The following CSMD1 variants were observed in gnomAD, a reference collection of about 807,000 sequenced individuals.
CSMD1 encodes the protein CUB and Sushi multiple domains 1.
Under a neutral mutation model 417.5 loss-of-function variants are expected in CSMD1, and 213 were observed. That is an observed-to-expected ratio of 0.51 (90% CI 0.46 to 0.57). The LOEUF is 0.57. CSMD1 is among the 20% of genes least tolerant of loss of function. CSMD1 has a pLI of 0.00. For missense variants in CSMD1, 6,923 were observed against 4,529.7 expected (o/e 1.53, Z -15.17); for synonymous variants, 2,862 against 1,736.8 (o/e 1.65, Z -16.11).
chr8:4,819,051 T>C (rs1585153236), intron 1 of CSMD1, among the ~76,000 whole-genome samples: 1 of 152,138 alleles, frequency 6.6e-6, no homozygotes, highest in Admixed American at 6.5e-5. Context: ...AGACACAGAA[T>C]ACCTGGAAGA....
At chr8:4,319,467 T>G (rs4875331) in intron 3 of CSMD1, among the ~76,000 whole-genome samples, 120,808 of 151,978 alleles carry the variant, frequency 0.79, 49,518 homozygotes, top group East Asian at 1. Flanking sequence ...CTACTCCTTC[T>G]TAAGGCTTTG....
chr8:3,845,843 C>G (rs1316755303), intron 5 of CSMD1, among the ~76,000 whole-genome samples: 1 of 149,084 alleles, frequency 6.7e-6, no homozygotes, highest in African/African-American at 2.5e-5. Context: ...TTTTTTTTTA[C>G]TTTCTATACT....
chr8:4,735,530 A>G (rs569211950), intron 1 of CSMD1, among the ~76,000 whole-genome samples: 1 of 152,316 alleles, frequency 6.6e-6, no homozygotes, highest in Admixed American at 6.5e-5. Flanking sequence ...AGGTCAGAAT[A>G]ATTCACCTTT....
intron 23 of CSMD1, among the ~76,000 whole-genome samples, chr8:3,314,720 G>T (rs147292498): frequency 6.6e-6 from 1 of 152,168 alleles, no homozygotes; most frequent in Non-Finnish European, 1.5e-5. Flanking sequence ...GAATTACGCA[G>T]TCTTAATATT....
intron 1 of CSMD1, among the ~76,000 whole-genome samples, chr8:4,849,618 T>A (rs2164909): frequency 0.18 from 27,274 of 152,060 alleles, 2,627 homozygotes; most frequent in East Asian, 0.28. Flanking sequence ...TTTTCTATTT[T>A]TAAAAATGCT....
intron 8 of CSMD1, among the ~76,000 whole-genome samples, chr8:3,612,515 G>C (rs940833832): frequency 6.6e-6 from 1 of 152,092 alleles, no homozygotes; most frequent in African/African-American, 2.4e-5. Context: ...TTATTTTCAA[G>C]TGGTCATGGA....
intron 1 of CSMD1, among the ~76,000 whole-genome samples, chr8:4,747,486 C>T (rs991518445): frequency 2.4e-4 from 36 of 152,082 alleles, no homozygotes; most frequent in African/African-American, 7.7e-4. Flanking sequence ...AAATGCCCTC[C>T]TAAGTAGAGA....
intron 33 of CSMD1, among the ~76,000 whole-genome samples, chr8:3,193,518 C>A (rs1457822673): frequency 3.9e-5 from 6 of 152,078 alleles, no homozygotes; most frequent in Non-Finnish European, 8.8e-5. Context: ...CCCCGCCCGT[C>A]CTCTGGGTCT....
At chr8:3,964,723 A>C (rs996652091) in intron 5 of CSMD1, among the ~76,000 whole-genome samples, 2 of 152,228 alleles carry the variant, frequency 1.3e-5, no homozygotes, top group South Asian at 4.1e-4. Flanking sequence ...AATCCATTGC[A>C]ATGTACTTGC....
Position 4,070,282 on chromosome 8 carries a change from G to C in CSMD1, c.416-38183C>G, listed in dbSNP as rs74503292. Among the ~76,000 whole-genome samples, 726 of 151,984 alleles carry C rather than the reference G, an allele frequency of 4.8e-3. 16 individuals carry two copies. In the East Asian group the frequency reaches 0.058, roughly 12 times the overall value. On this transcript the variant is annotated intron_variant, in intron 3 of 69. Transcript: ENST00000635120. ...AATTCAAACTCTAAAACATAATGTTGTTATTTTTACTTAAAAAGTCTCATG... is the reference window on the plus strand; with the variant it reads ...AATTCAAACTCTAAAACATAATGTTCTTATTTTTACTTAAAAAGTCTCATG...
intron 12 of CSMD1, among the ~76,000 whole-genome samples, chr8:3,420,819 C>T (rs1194607954): frequency 6.6e-6 from 1 of 152,136 alleles, no homozygotes; most frequent in Admixed American, 6.5e-5. Context: ...ATTCCTTAAA[C>T]ACATAAAGAT....
chr8:3,349,413 A>C (rs1336043292), intron 21 of CSMD1, among the ~76,000 whole-genome samples: 1 of 152,114 alleles, frequency 6.6e-6, no homozygotes, highest in Non-Finnish European at 1.5e-5. Context: ...GTTGAATCTC[A>C]GAATGCCTCC....
Position 4,623,066 on chromosome 8 carries a change from T to C in CSMD1, c.302+14276A>G, listed in dbSNP as rs542483283. ...TATATACCATTAAAAGGATAAATGT[T>C]GGTGGAAGGAATTACCTATAATACA... On this transcript the variant is annotated intron_variant, in intron 2 of 69. Transcript: ENST00000635120. Among the ~76,000 whole-genome samples the C allele has an allele frequency of 2.0e-5, 3 of 152,260 alleles. No individual in the cohort carries two copies. In the East Asian group the frequency reaches 5.8e-4, roughly 29 times the overall value.
intron 4 of CSMD1, among the ~76,000 whole-genome samples, chr8:4,015,429 T>A (rs1040086531): frequency 2.6e-5 from 4 of 152,132 alleles, no homozygotes; most frequent in Admixed American, 2.0e-4. Flanking sequence ...CATATAGAAT[T>A]GGCAAGTGAC....
At chr8:4,025,221 T>A (rs963668519) in intron 4 of CSMD1, among the ~76,000 whole-genome samples, 4 of 152,182 alleles carry the variant, frequency 2.6e-5, no homozygotes, top group Admixed American at 6.5e-5. Flanking sequence ...AGCTTTCTCA[T>A]GGAGGAGGAT....
At chr8:3,596,837 G>C (rs1801117953) in intron 8 of CSMD1, among the ~76,000 whole-genome samples, 1 of 152,056 alleles carries the variant, frequency 6.6e-6, no homozygotes, top group Non-Finnish European at 1.5e-5. Context: ...AGATCCAAAA[G>C]CATGTTTACA....
intron 3 of CSMD1, among the ~76,000 whole-genome samples, chr8:4,150,338 C>T (rs529993294): frequency 2.0e-5 from 3 of 152,266 alleles, no homozygotes; most frequent in Admixed American, 6.5e-5. Context: ...TTCTCTAACC[C>T]GTGCCATTCT....
chr8:2,955,122 C>A (rs895409057), intron 64 of CSMD1, among the ~76,000 whole-genome samples: 1 of 152,162 alleles, frequency 6.6e-6, no homozygotes, highest in South Asian at 2.1e-4. Flanking sequence ...GAATCAATGT[C>A]AGGGACACAT....
intron 1 of CSMD1, among the ~76,000 whole-genome samples, chr8:4,956,215 G>A (rs1300135977): frequency 1.3e-5 from 2 of 150,284 alleles, no homozygotes; most frequent in Non-Finnish European, 3.0e-5. Flanking sequence ...TTTTTAAGTT[G>A]TTCAACACCT....
Sources: allele counts gnomAD v4.1 joint callset (sites outside exome capture counted in the v4.1 genomes callset), GRCh38; gene constraint gnomAD v4.1.1; transcripts MANE v1.5; gene names NCBI Gene and HGNC (gene_info 2026-07-23, HGNC 2026-07-21).